The following BLM variants were observed in gnomAD, a reference collection of about 807,000 sequenced individuals.
BLM encodes BLM RecQ like helicase.
Under a neutral mutation model 135.3 loss-of-function variants are expected in BLM, and 95 were observed. The observed-to-expected ratio is 0.70, with a 90% CI of 0.59 to 0.83. BLM has a LOEUF of 0.83. Ranked by LOEUF, BLM falls within the 40% of genes least tolerant of loss-of-function variation. The pLI is 0.00. For missense variants in BLM, 1,518 were observed against 1,663.9 expected, an observed-to-expected ratio of 0.91 and a Z score of 1.53; for synonymous variants, 520 against 589.2, an observed-to-expected ratio of 0.88 and a Z score of 1.70.
chr15:90,793,424 C>T (rs1039840984), intron 15 of BLM, among the ~76,000 whole-genome samples: 2 of 152,064 alleles, frequency 1.3e-5, no homozygotes, highest in African/African-American at 4.8e-5. Context: ...CGTGAGCCAC[C>T]GTACCTGGTG....
At chr15:90,804,469 T>G (rs1897242226) in intron 19 of BLM, 110 bp downstream of exon 19, 1 of 1,301,374 alleles carries the variant, frequency 7.7e-7, no homozygotes, top group African/African-American at 1.5e-5. Context: ...TGTTTCTTTT[T>G]GGGGTTTGTT....
In BLM at chr15:90,754,923, A is replaced by C. The variant is rs1336484885; in HGVS notation, c.1072A>C (p.Ser358Arg). The C allele has an allele frequency of 1.2e-6, 2 of 1,613,976 alleles. No homozygotes were observed. Among genetic ancestry groups the C allele is most frequent in the Non-Finnish European group, 1.7e-6 (2 of 1,179,978 alleles). The change falls in exon 5 of 22, where the codon AGC (serine) becomes CGC (arginine). Residue 358 changes from serine to arginine, a missense_variant. Ser to Arg is a moderately radical substitution (Grantham distance 110). This residue lies in a region of BLM where 724 missense variants were observed against 756.9 expected (regional missense o/e 0.96). Transcript: ENST00000355112. ...MSMQELNPET[S>R]TDCDARQISL... ...TATGCAGGAGCTGAATCCAGAAACC[A>C]GCACAGACTGTGACGGTACAAGCAA...
rs771720312 is a variant in BLM, at chr15:90,767,108, C to T, written c.2307+85C>T. The T allele has an allele frequency of 3.2e-5, 27 of 843,538 alleles. 1 individual carries two copies. In the East Asian group the frequency reaches 3.4e-4, roughly 11 times the overall value. 52.3% of individuals were successfully genotyped at this position (843,538 alleles called of 1,614,324 possible). A position where few individuals can be genotyped will look rare whatever the true frequency, so the allele number is the denominator to read the frequency against. Reference sequence around the variant, plus strand: ...TAAGATTTTAACAAAATTTTGTATACGTAGTGCAAAGAATTTTTGTACAAC... The same window carrying T: ...TAAGATTTTAACAAAATTTTGTATATGTAGTGCAAAGAATTTTTGTACAAC... On this transcript the variant is annotated intron_variant, in intron 10 of 21. Transcript: ENST00000355112.
At chr15:90,794,496 G>A (rs1190698541) in intron 16 of BLM, 139 bp downstream of exon 16, 1 of 627,884 alleles carries the variant, frequency 1.6e-6, no homozygotes, top group South Asian at 2.6e-5. Context: ...GTAGTAATTT[G>A]GAATGGAAAC....
intron 7 of BLM, 113 bp from the exon 8 acceptor site, chr15:90,762,853 A>G (rs1370491464): frequency 1.0e-6 from 1 of 996,730 alleles, no homozygotes; most frequent in East Asian, 2.6e-5. Flanking sequence ...GAGTTTAAGA[A>G]CTGTGCTGCA....
intron 1 of BLM, among the ~76,000 whole-genome samples, chr15:90,746,372 A>G (rs1895502766): frequency 6.6e-6 from 1 of 152,210 alleles, no homozygotes; most frequent in Admixed American, 6.5e-5. Flanking sequence ...TACCTAAAGC[A>G]TGTTAAAGAG....
chr15:90,810,802 A>AT (rs959250270), intron 20 of BLM, among the ~76,000 whole-genome samples: 1 of 152,176 alleles, frequency 6.6e-6, no homozygotes, highest in African/African-American at 2.4e-5. Flanking sequence ...TATTGAGCTG[A>AT]TTTTTTCAGC....
rs1483812711 is a variant in BLM at position 90,815,002 on chromosome 15, G to T, written c.4077-100G>T. On this transcript the variant is annotated intron_variant, in intron 21 of 21. Transcript: ENST00000355112. The surrounding 1 kb of genome is among the most constrained non-coding windows in gnomAD (Gnocchi z 4.6). ...CAGAAAATGCACAAGGACACATTAG[G>T]CCCAGGGAAGTGGTATTGTAGCTCT... The T allele has an allele frequency of 6.5e-6, 8 of 1,234,090 alleles. No homozygotes were observed. The East Asian group carries it at 1.9e-4, about 29-fold the overall frequency. The allele number at this position is 1,234,090 out of a possible 1,614,324, so 76.4% of individuals were successfully genotyped here. A position where few individuals can be genotyped will look rare whatever the true frequency, so the allele number is the denominator to read the frequency against.
chr15:90,805,131 C>A (rs28385144), intron 19 of BLM, among the ~76,000 whole-genome samples: 2 of 130,564 alleles, frequency 1.5e-5, no homozygotes, highest in Admixed American at 8.5e-5. Context: ...CCACCATGCG[C>A]GGCCGAAACT....
At chr15:90,813,807 C>T (rs1270129225) in intron 21 of BLM, among the ~76,000 whole-genome samples, 3 of 152,160 alleles carry the variant, frequency 2.0e-5, no homozygotes, top group East Asian at 1.9e-4. Flanking sequence ...GTGTGCTCCC[C>T]GGATTGAGAG....
chr15:90,812,393 G>A (rs370932799), intron 21 of BLM, among the ~76,000 whole-genome samples: 4 of 152,176 alleles, frequency 2.6e-5, no homozygotes, highest in South Asian at 2.1e-4. Flanking sequence ...TGTTCTGGGC[G>A]CTTTCTGCAC....
chr15:90,719,962 A>G (rs1361251011), intron 1 of BLM, among the ~76,000 whole-genome samples: 3 of 152,138 alleles, frequency 2.0e-5, no homozygotes, highest in Non-Finnish European at 2.9e-5. Context: ...CCTTTGTACC[A>G]CTAGTTCATA....
At chr15:90,768,875 C>A (rs1337659202) in intron 10 of BLM, among the ~76,000 whole-genome samples, 2 of 152,136 alleles carry the variant, frequency 1.3e-5, no homozygotes, top group Non-Finnish European at 2.9e-5. Context: ...TACAGGCATG[C>A]ACCACCACGC....
chr15:90,803,348 A>G (rs1235776447), intron 17 of BLM, among the ~76,000 whole-genome samples, 173 bp from the exon 18 acceptor site: 1 of 152,128 alleles, frequency 6.6e-6, no homozygotes, highest in Non-Finnish European at 1.5e-5. Flanking sequence ...AACCATAGAA[A>G]TTTTAGCGTT....
chr15:90,750,826 TG>T (rs1240411842), intron 3 of BLM, among the ~76,000 whole-genome samples: 2 of 152,336 alleles, frequency 1.3e-5, no homozygotes, highest in Non-Finnish European at 2.9e-5. Flanking sequence ...TAGGTATGTA[TG>T]TATAGGAAAA....
chr15:90,751,605 A>T (rs1895685001), intron 3 of BLM, among the ~76,000 whole-genome samples, 182 bp from the exon 4 acceptor site: 1 of 152,224 alleles, frequency 6.6e-6, no homozygotes, highest in African/African-American at 2.4e-5. Context: ...AATCCACTTG[A>T]CTCAATAGTA....
At chr15:90,784,060 T>A (rs1463724849) in intron 13 of BLM, among the ~76,000 whole-genome samples, 1 of 152,194 alleles carries the variant, frequency 6.6e-6, no homozygotes, top group African/African-American at 2.4e-5. Flanking sequence ...TTATATATCA[T>A]GAGCATTTTC....
At position 90,816,144 on chromosome 15, in the gene BLM, T is replaced by G. The variant is rs1158827643; in HGVS notation, c.*865T>G. The G allele has an allele frequency of 6.7e-6, 1 of 150,126 alleles. No homozygotes were observed. The highest frequency in any genetic ancestry group is 2.5e-5 in the African/African-American group (1 of 40,750). 9.3% of individuals were successfully genotyped at this position (150,126 alleles called of 1,614,324 possible). The stretch of plus-strand genomic sequence containing the variant: ...AATATGTGAAAAAGGTCAATCTCCA[T>G]GAATAAAAATATGATAAAACCATGT... On this transcript the variant is annotated 3_prime_UTR_variant, in exon 22 of 22. Coordinates refer to ENST00000355112, the MANE Select transcript of BLM (RefSeq NM_000057.4).
chr15:90,760,719 C>G lies in BLM; in HGVS notation c.1346C>G (p.Ser449Cys), dbSNP rs967698170. 1.4e-5 allele frequency: 23 copies of G among 1,614,068 alleles called. No homozygotes were observed. The highest frequency in any genetic ancestry group is 1.9e-5 in the Non-Finnish European group (23 of 1,180,004). Reference sequence around the variant, plus strand: ...GGTGATTCCTGCCCTACAGGGAATTCTATGAAGGAGTTAAATTTTTCACAC... The same window carrying G: ...GGTGATTCCTGCCCTACAGGGAATTGTATGAAGGAGTTAAATTTTTCACAC... ...MEGDSCPTGN[S>C]MKELNFSHLP... Residue 449 changes from serine to cysteine, a missense_variant, in exon 7 of 22, where the codon TCT (serine) becomes TGT (cysteine). Transcript: ENST00000355112.
Sources: allele counts gnomAD v4.1 joint callset (sites outside exome capture counted in the v4.1 genomes callset), GRCh38; gene constraint gnomAD v4.1.1; regional missense constraint gnomAD v4.1.1; non-coding constraint Gnocchi (gnomAD v3.1); transcripts MANE v1.5; gene names NCBI Gene and HGNC (gene_info 2026-07-23, HGNC 2026-07-21).